The following UVRAG variants were observed in gnomAD, a reference collection of about 807,000 sequenced individuals.
The protein encoded by UVRAG is UV radiation resistance-associated gene protein.
A neutral mutation model predicts 78.0 loss-of-function variants in UVRAG; 19 were observed. That is an observed-to-expected ratio of 0.24 (90% CI 0.17 to 0.36). The LOEUF is 0.36. UVRAG is among the 10% of genes least tolerant of loss of function. UVRAG has a pLI of 1.00. For missense variants in UVRAG, 740 were observed against 853.8 expected (o/e 0.87, Z 1.66); for synonymous variants, 323 against 324.6 (o/e 1.00, Z 0.05).
chr11:76,102,904 G>A lies in UVRAG; in HGVS notation c.1306-13020G>A, dbSNP rs138803122. On this transcript the variant is annotated intron_variant, in intron 13 of 14. Transcript: ENST00000356136. The stretch of plus-strand genomic sequence containing the variant: ...AGGGTTTCACAAGGCCAGAATCAAC[G>A]TGTTGGCCAGGCTGAGCTCTTATCT... Among the ~76,000 whole-genome samples the A allele has an allele frequency of 5.6e-3, 860 of 152,258 alleles. 8 individuals are homozygous for A. Among genetic ancestry groups the A allele is most frequent in the South Asian group, 0.025 (119 of 4,828 alleles).
At chr11:76,102,660 A>G (rs1951897843) in intron 13 of UVRAG, among the ~76,000 whole-genome samples, 1 of 152,136 alleles carries the variant, frequency 6.6e-6, no homozygotes, top group African/African-American at 2.4e-5. Context: ...TTTCATGGGA[A>G]ATGCCTTCAG....
intron 12 of UVRAG, among the ~76,000 whole-genome samples, chr11:76,054,278 C>T (rs1950936197): frequency 6.6e-6 from 1 of 152,204 alleles, no homozygotes; most frequent in South Asian, 2.1e-4. Flanking sequence ...CATGTTGGCT[C>T]TGTCTTCAAA....
chr11:76,077,167 AT>A (rs1309004052), intron 13 of UVRAG, among the ~76,000 whole-genome samples: 2 of 148,838 alleles, frequency 1.3e-5, no homozygotes, highest in South Asian at 4.2e-4. Context: ...ATATGTAAAT[AT>A]TATATATACA....
intron 2 of UVRAG, among the ~76,000 whole-genome samples, chr11:75,860,031 A>G (rs1946383189): frequency 6.6e-6 from 1 of 152,232 alleles, no homozygotes; most frequent in South Asian, 2.1e-4. Flanking sequence ...TGCAACCTCC[A>G]CCTTCTGGGT....
intron 12 of UVRAG, among the ~76,000 whole-genome samples, chr11:76,035,669 T>C (rs1950519617): frequency 6.6e-6 from 1 of 152,222 alleles, no homozygotes; most frequent in South Asian, 2.1e-4. Context: ...TGTGATTTAG[T>C]AAAGAACAGT....
At chr11:75,996,778 A>G (rs1159602947) in intron 8 of UVRAG, among the ~76,000 whole-genome samples, 2 of 152,206 alleles carry the variant, frequency 1.3e-5, no homozygotes, top group East Asian at 3.8e-4. Context: ...TAGCATAGGT[A>G]GGATTTCAAC....
At chr11:76,038,062 T>C (rs1164047013) in intron 12 of UVRAG, among the ~76,000 whole-genome samples, 1 of 152,192 alleles carries the variant, frequency 6.6e-6, no homozygotes, top group Non-Finnish European at 1.5e-5. Context: ...AATGGGATTA[T>C]CTATTGGTTC....
chr11:75,900,961 G>C (rs1269975424), intron 5 of UVRAG, among the ~76,000 whole-genome samples: 1 of 152,140 alleles, frequency 6.6e-6, no homozygotes, highest in Non-Finnish European at 1.5e-5. Context: ...TTCAGCTCAG[G>C]TTAATTGTCT....
At chr11:75,905,961 A>T (rs1947606105) in intron 5 of UVRAG, among the ~76,000 whole-genome samples, 1 of 151,608 alleles carries the variant, frequency 6.6e-6, no homozygotes, top group Non-Finnish European at 1.5e-5. Flanking sequence ...CCACATCCTC[A>T]CTATCTTCTG....
intron 4 of UVRAG, among the ~76,000 whole-genome samples, chr11:75,887,068 C>G (rs1320147403): frequency 1.3e-5 from 2 of 151,482 alleles, no homozygotes; most frequent in Non-Finnish European, 2.9e-5. Context: ...CGGGTTCAAA[C>G]AATTCTCCTG....
chr11:75,852,100 G>A (rs1030065257), intron 2 of UVRAG, 100 bp downstream of exon 2: 27 of 766,802 alleles, frequency 3.5e-5, no homozygotes, highest in Non-Finnish European at 5.2e-5. Flanking sequence ...TGGCTTCTCG[G>A]AAACCTAAAT....
chr11:76,058,297 G>A (rs1951019475), intron 12 of UVRAG, among the ~76,000 whole-genome samples: 1 of 152,118 alleles, frequency 6.6e-6, no homozygotes, highest in Admixed American at 6.5e-5. Flanking sequence ...TTGGGAGGCT[G>A]AAGTGGGAGG....
At chr11:75,974,495 T>C (rs1263597664) in intron 7 of UVRAG, among the ~76,000 whole-genome samples, 5 of 150,496 alleles carry the variant, frequency 3.3e-5, no homozygotes, top group African/African-American at 7.3e-5. Context: ...GCCTCCCGAG[T>C]AGCTGGGACT....
intron 13 of UVRAG, among the ~76,000 whole-genome samples, chr11:76,075,100 A>G (rs1461793552): frequency 6.6e-6 from 1 of 152,190 alleles, no homozygotes; most frequent in East Asian, 1.9e-4. Context: ...AGCCAAATGT[A>G]TGTGACACAT....
At chr11:76,030,321 C>T (rs1304639929) in intron 12 of UVRAG, among the ~76,000 whole-genome samples, 1 of 152,172 alleles carries the variant, frequency 6.6e-6, no homozygotes, top group Non-Finnish European at 1.5e-5. Context: ...CTGTGAGCCA[C>T]AACACCCGGC....
rs1237024412 is a variant in UVRAG, at chr11:75,880,967, A to G, written c.432+927A>G. On this transcript the variant is annotated intron_variant, in intron 4 of 14. Coordinates refer to ENST00000356136, the MANE Select transcript of UVRAG (RefSeq NM_003369.4). The stretch of plus-strand genomic sequence containing the variant: ...TTTTTTTTTTTTTTAAATTAAAGAC[A>G]GGGTCTTGCCCTGGTGCCTAGGCTG... 1.0e-4 allele frequency among the ~76,000 whole-genome samples: 13 copies of G among 126,312 alleles called. No individual in the cohort carries two copies. The South Asian group carries it at 3.3e-3, about 32-fold the overall frequency. 82.9% of individuals were successfully genotyped at this position (126,312 alleles called of 152,430 possible).
At chr11:76,072,354 T>C (rs921775427) in intron 13 of UVRAG, among the ~76,000 whole-genome samples, 1 of 152,132 alleles carries the variant, frequency 6.6e-6, no homozygotes, top group African/African-American at 2.4e-5. Flanking sequence ...GAAGTTTCTT[T>C]TTGTTTTTGT....
intron 8 of UVRAG, 47 bp from the exon 9 acceptor site, chr11:76,003,958 G>A: frequency 6.5e-7 from 1 of 1,548,236 alleles, no homozygotes; most frequent in Non-Finnish European, 8.9e-7. Context: ...TTGTGATTGA[G>A]TAATCCTATG....
intron 14 of UVRAG, among the ~76,000 whole-genome samples, chr11:76,138,067 C>G (rs1952631409): frequency 6.6e-6 from 1 of 152,126 alleles, no homozygotes; most frequent in Non-Finnish European, 1.5e-5. Context: ...CAGAAAATAC[C>G]AAAGTTCCCA....
Sources: allele counts gnomAD v4.1 joint callset (sites outside exome capture counted in the v4.1 genomes callset), GRCh38; gene constraint gnomAD v4.1.1; transcripts MANE v1.5; gene names NCBI Gene and HGNC (gene_info 2026-07-23, HGNC 2026-07-21).